The following LRRTM4 variants were observed in gnomAD, a reference collection of about 807,000 sequenced individuals.
LRRTM4 encodes the protein leucine-rich repeat transmembrane neuronal protein 4.
LRRTM4 carries 25 observed loss-of-function variants against 47.6 expected under a neutral mutation model. The ratio of observed to expected loss-of-function variants is 0.53; its 90% CI spans 0.38 to 0.73. The LOEUF (loss-of-function observed/expected upper bound fraction) is 0.73, where lower values mean the gene tolerates loss of function less well. LRRTM4 is among the 30% of genes least tolerant of loss of function. LRRTM4 has a pLI of 0.00. For synonymous variants in LRRTM4, 311 were observed against 269.5 expected (o/e 1.15, Z -1.51); for missense variants, 638 against 713.4 (o/e 0.89, Z 1.20).
rs144618506 is a variant in LRRTM4 at position 77,501,717 on chromosome 2, G to A, written c.1551+16601C>T. ...AAAAGCTGAACGGCAAGCTCTGAACGATTTGCAATGTTTATAGAAGCTAAA... is the reference window on the plus strand; with the variant it reads ...AAAAGCTGAACGGCAAGCTCTGAACAATTTGCAATGTTTATAGAAGCTAAA... On this transcript the variant is annotated intron_variant, in intron 3 of 3. Coordinates refer to ENST00000409884, the MANE Select transcript of LRRTM4 (RefSeq NM_001134745.3). Among the ~76,000 whole-genome samples, 8 of 151,192 alleles carry A rather than the reference G, an allele frequency of 5.3e-5. 1 individual carries two copies. Among genetic ancestry groups the A allele is most frequent in the African/African-American group, 1.4e-4 (6 of 41,444 alleles).
In LRRTM4 at chr2:77,429,250, G is replaced by A. The variant is rs7568618; in HGVS notation, c.1551+89068C>T. On this transcript the variant is annotated intron_variant, in intron 3 of 3. Transcript: ENST00000409884. ...CCAGATACGGAATAATCGATTATAA[G>A]ATATAATGATCTTATAAGAATAAGA... Among the ~76,000 whole-genome samples, 1,001 of 152,176 alleles carry A rather than the reference G, an allele frequency of 6.6e-3. 18 individuals are homozygous for A. Among genetic ancestry groups the A allele is most frequent in the African/African-American group, 0.022 (913 of 41,506 alleles).
chr2:77,439,608 T>A (rs1675752489), intron 3 of LRRTM4, among the ~76,000 whole-genome samples: 1 of 152,208 alleles, frequency 6.6e-6, no homozygotes, highest in Admixed American at 6.5e-5. Context: ...ATTTTCCCTA[T>A]TTTATTAATC....
At position 76,967,297 on chromosome 2, in the gene LRRTM4, G is replaced by A. The variant is rs539715889; in HGVS notation, c.1552-218381C>T. Among the ~76,000 whole-genome samples the A allele has an allele frequency of 5.3e-5, 8 of 151,062 alleles. No homozygotes were observed. In the South Asian group the frequency reaches 1.7e-3, roughly 31 times the overall value. On this transcript the variant is annotated intron_variant, in intron 3 of 3. Transcript: ENST00000409884. The stretch of plus-strand genomic sequence containing the variant: ...AAGTGCTAGAAATTGTATTGAAATC[G>A]TTCTCTGACCTAATCTTCTCTAGCT...
At chr2:77,355,523 G>A (rs1205621546) in intron 3 of LRRTM4, among the ~76,000 whole-genome samples, 1 of 152,132 alleles carries the variant, frequency 6.6e-6, no homozygotes, top group African/African-American at 2.4e-5. Context: ...CTACAATAAT[G>A]CTATCACTGG....
At chr2:76,859,322 A>C (rs1236984476) in intron 3 of LRRTM4, among the ~76,000 whole-genome samples, 1 of 152,116 alleles carries the variant, frequency 6.6e-6, no homozygotes. Flanking sequence ...AATAGAAAAA[A>C]TGGCACCACC....
chr2:77,115,434 A>T (rs772190442), intron 3 of LRRTM4, among the ~76,000 whole-genome samples: 1 of 152,212 alleles, frequency 6.6e-6, no homozygotes, highest in Non-Finnish European at 1.5e-5. Flanking sequence ...ACACATTCTC[A>T]GCTTACGAAG....
At chr2:77,017,776 G>C (rs1256047499) in intron 3 of LRRTM4, among the ~76,000 whole-genome samples, 2 of 145,720 alleles carry the variant, frequency 1.4e-5, no homozygotes. Context: ...TATGTGAATT[G>C]TCTCCTAACT....
chr2:77,371,398 T>A (rs924767680), intron 3 of LRRTM4, among the ~76,000 whole-genome samples: 13 of 151,754 alleles, frequency 8.6e-5, no homozygotes, highest in African/African-American at 3.1e-4. Context: ...ACTTTTACCA[T>A]TCCCTTCCTC....
chr2:76,989,612 G>T (rs1015069164), intron 3 of LRRTM4, among the ~76,000 whole-genome samples: 2 of 151,734 alleles, frequency 1.3e-5, no homozygotes, highest in Non-Finnish European at 2.9e-5. Flanking sequence ...TAGTTAGCCT[G>T]TCCAAGGTTG....
chr2:77,490,332 A>G (rs1678093934), intron 3 of LRRTM4, among the ~76,000 whole-genome samples: 2 of 152,136 alleles, frequency 1.3e-5, no homozygotes, highest in Admixed American at 1.3e-4. Context: ...TAAAAATGAA[A>G]AAGAAAAGTG....
intron 3 of LRRTM4, among the ~76,000 whole-genome samples, chr2:77,004,643 T>C (rs1396842920): frequency 6.6e-6 from 1 of 152,034 alleles, no homozygotes; most frequent in African/African-American, 2.4e-5. Flanking sequence ...GTCTATTGGA[T>C]CTGTGAGAAT....
At chr2:77,212,586 T>C (rs1322273059) in intron 3 of LRRTM4, among the ~76,000 whole-genome samples, 2 of 149,878 alleles carry the variant, frequency 1.3e-5, no homozygotes, top group Non-Finnish European at 3.0e-5. Context: ...ATATATATAG[T>C]CTTCATTTAG....
chr2:77,468,573 A>C (rs1286484584), intron 3 of LRRTM4, among the ~76,000 whole-genome samples: 3 of 152,224 alleles, frequency 2.0e-5, no homozygotes. Context: ...TGGAGCAGAC[A>C]GACATGTCAA....
chr2:76,797,264 C>T (rs893915718), intron 3 of LRRTM4, among the ~76,000 whole-genome samples: 19 of 152,096 alleles, frequency 1.2e-4, no homozygotes, highest in African/African-American at 4.6e-4. Flanking sequence ...AACAGCGGAT[C>T]TCTCAGCAGA....
chr2:77,145,538 G>A (rs1573007250), intron 3 of LRRTM4, among the ~76,000 whole-genome samples: 1 of 151,802 alleles, frequency 6.6e-6, no homozygotes, highest in South Asian at 2.1e-4. Flanking sequence ...CGAGGCCAAG[G>A]CGGGCAGATC....
intron 3 of LRRTM4, among the ~76,000 whole-genome samples, chr2:77,071,870 T>C (rs972395926): frequency 1.1e-4 from 17 of 152,122 alleles, no homozygotes; most frequent in African/African-American, 3.9e-4. Context: ...TTGAGGACAC[T>C]AGTGTCCAAG....
intron 3 of LRRTM4, among the ~76,000 whole-genome samples, chr2:77,482,761 T>C (rs1191844988): frequency 6.6e-6 from 1 of 152,198 alleles, no homozygotes; most frequent in African/African-American, 2.4e-5. Flanking sequence ...GTAAGCTAAC[T>C]AGTATTAACT....
At chr2:77,143,391 C>A (rs1015986438) in intron 3 of LRRTM4, among the ~76,000 whole-genome samples, 2 of 151,982 alleles carry the variant, frequency 1.3e-5, no homozygotes, top group African/African-American at 4.8e-5. Context: ...ATACCATTAG[C>A]GCATATAGAA....
intron 3 of LRRTM4, among the ~76,000 whole-genome samples, chr2:76,843,817 C>A (rs1019944528): frequency 6.6e-6 from 1 of 151,934 alleles, no homozygotes; most frequent in Non-Finnish European, 1.5e-5. Flanking sequence ...CAAAATTTCT[C>A]ATTATGAAAA....
Sources: gnomAD v4.1 joint callset for allele counts (sites outside exome capture counted in the v4.1 genomes callset) on GRCh38, gnomAD v4.1.1 for gene constraint, MANE v1.5 for transcripts, NCBI Gene and HGNC (gene_info 2026-07-23, HGNC 2026-07-21) for gene names.